The following LPIN3 variants were observed in gnomAD, a reference collection of about 807,000 sequenced individuals.
LPIN3 encodes lipin 3.
Under a neutral mutation model 94.7 loss-of-function variants are expected in LPIN3, and 82 were observed. That is an observed-to-expected ratio of 0.87 (90% CI 0.72 to 1.04). LPIN3 has a LOEUF of 1.04. Among genes scored for constraint, LPIN3 ranks in the 50% least tolerant of loss-of-function variants. The pLI, the probability that LPIN3 is intolerant of heterozygous loss-of-function variation, is 0.00. For synonymous variants in LPIN3, 418 were observed against 443.3 expected, an observed-to-expected ratio of 0.94 and a Z score of 0.72; for missense variants, 996 against 1,090.5, an observed-to-expected ratio of 0.91 and a Z score of 1.22.
Position 41,358,033 on chromosome 20 carries a change from A to T in LPIN3, c.2191A>T (p.Arg731Ter). ...CAGCAGCCTCTTCTCTGCCCTCCACAGGTAACCACCCCTACACATACAAGC... is the reference window on the plus strand; with the variant it reads ...CAGCAGCCTCTTCTCTGCCCTCCACTGGTAACCACCCCTACACATACAAGC... ...SPSSLFSALH[R>*]EVIEKKPEVF... Residue 731 changes from arginine to a stop codon, truncating the protein, a stop_gained and splice_region_variant, in exon 17 of 20, where the codon AGA becomes TGA. Coordinates refer to ENST00000373257, the MANE Select transcript of LPIN3 (RefSeq NM_022896.3). LOFTEE classifies it high-confidence loss of function. 1 of 1,599,014 alleles carries T rather than the reference A, an allele frequency of 6.3e-7. No individual in the cohort carries two copies. Among genetic ancestry groups the T allele is most frequent in the South Asian group, 1.1e-5 (1 of 87,758 alleles).
chr20:41,342,654 G>A (rs1472186922), intron 1 of LPIN3, among the ~76,000 whole-genome samples: 2 of 141,346 alleles, frequency 1.4e-5, no homozygotes, highest in Non-Finnish European at 3.1e-5. Context: ...CCAAAATGCT[G>A]AGCAGGCAGA....
chr20:41,349,861 C>T lies in LPIN3; in HGVS notation c.726C>T (p.Ser242=), dbSNP rs1331758445. 1.9e-6 allele frequency: 3 copies of T among 1,613,418 alleles called. No homozygotes were observed. The highest frequency in any genetic ancestry group is 2.5e-6 in the Non-Finnish European group (3 of 1,180,014). ...TPEPSPLRAE[S]HMQWAWGRLP... Reference sequence around the variant, plus strand: ...AGCCCAGTCCCCTAAGAGCCGAGTCCCACATGCAGTGGGCCTGGGGGAGGC... The same window carrying T: ...AGCCCAGTCCCCTAAGAGCCGAGTCTCACATGCAGTGGGCCTGGGGGAGGC... The change falls in exon 6 of 20, where the codon TCC becomes TCT. Residue 242 remains serine (S), a synonymous_variant. Coordinates refer to ENST00000373257, the MANE Select transcript of LPIN3 (RefSeq NM_022896.3).
chr20:41,348,393 G>A (rs1568994554), intron 3 of LPIN3, among the ~76,000 whole-genome samples: 1 of 152,182 alleles, frequency 6.6e-6, no homozygotes, highest in Non-Finnish European at 1.5e-5. Flanking sequence ...ATCAGAGGCC[G>A]ATGCCAAGAT....
chr20:41,358,983 A>C lies in LPIN3; in HGVS notation c.*117A>C, dbSNP rs968442227. On this transcript the variant is annotated 3_prime_UTR_variant, in exon 20 of 20. Transcript: ENST00000373257. ...GCAAACCCACTGAAGGGGAAGGAGGAGGCTGCAGGTTGGTTGGCAGCTAGA... is the reference window on the plus strand; with the variant it reads ...GCAAACCCACTGAAGGGGAAGGAGGCGGCTGCAGGTTGGTTGGCAGCTAGA... 1 of 1,348,244 alleles carries C rather than the reference A, an allele frequency of 7.4e-7. No homozygotes were observed. The highest frequency in any genetic ancestry group is 1.0e-6 in the Non-Finnish European group (1 of 989,876). 83.5% of individuals were successfully genotyped at this position (1,348,244 alleles called of 1,614,324 possible). A position where few individuals can be genotyped will look rare whatever the true frequency, so the allele number is the denominator to read the frequency against.
Position 41,360,045 on chromosome 20 carries a change from A to T in LPIN3, c.*1179A>T, listed in dbSNP as rs2046337877. 1.3e-5 allele frequency: 2 copies of T among 152,688 alleles called. No homozygotes were observed. Among genetic ancestry groups the T allele is most frequent in the Non-Finnish European group, 2.9e-5 (2 of 68,092 alleles). 9.5% of individuals were successfully genotyped at this position (152,688 alleles called of 1,614,324 possible). On this transcript the variant is annotated 3_prime_UTR_variant, in exon 20 of 20. Transcript: ENST00000373257. ...GAGGGCAGAATACCAAATGTCCAGG[A>T]ACCAAAGGCAGGGCTGTGGGGACCT...
chr20:41,357,145 G>A lies in LPIN3; in HGVS notation c.1909G>A (p.Asp637Asn). 1 of 1,614,166 alleles carries A rather than the reference G, an allele frequency of 6.2e-7. No homozygotes were observed. The highest frequency in any genetic ancestry group is 8.5e-7 in the Non-Finnish European group (1 of 1,180,018). ...GGCCACCATCTACCTGTGGAAATGG[G>A]ACGACAAGGTGGTCATCTCTGACAT... Reference protein sequence around the residue: ...CKATIYLWKWDDKVVISDIDG... With the variant: ...CKATIYLWKWNDKVVISDIDG... Residue 637 changes from aspartate to asparagine, a missense_variant, in exon 15 of 20, where the codon GAC becomes AAC. Physicochemically the swap from Asp to Asn is conservative, Grantham distance 23 (BLOSUM62 1). Transcript: ENST00000373257.
At chr20:41,349,243 G>GTGTCATTAGTCATCAGGAAA in intron 5 of LPIN3, 71 bp downstream of exon 5, 1 of 1,337,956 alleles carries the variant, frequency 7.5e-7, no homozygotes, top group Non-Finnish European at 1.1e-6. Context: ...CATTTTTCCT[G>GTGTCATTAGTCATCAGGAAA]ATGACTAATG....
chr20:41,351,834 A>G lies in LPIN3; in HGVS notation c.1116A>G (p.Arg372=). The G allele has an allele frequency of 6.2e-7, 1 of 1,614,134 alleles. No homozygotes were observed. The highest frequency in any genetic ancestry group is 8.5e-7 in the Non-Finnish European group (1 of 1,179,990). ...RVSRGKGSPK[R]SQHLGPSDIY... ...TTCAACTCTCAGGCTCCCCAAAGAG[A>G]AGCCAGCACCTGGGCCCCAGTGACA... Residue 372 remains arginine, a synonymous_variant, in exon 8 of 20, where the codon AGA becomes AGG. Transcript: ENST00000373257.
intron 13 of LPIN3, among the ~76,000 whole-genome samples, chr20:41,355,642 C>T (rs2046181887): frequency 6.6e-6 from 1 of 152,220 alleles, no homozygotes; most frequent in South Asian, 2.1e-4. Context: ...AGGTAAATAT[C>T]TCCAAGGCAG....
At position 41,358,721 on chromosome 20, in the gene LPIN3, G is replaced by T. The variant is rs1018629357; in HGVS notation, c.2412-1G>T. On this transcript the variant is annotated splice_acceptor_variant, in intron 19 of 19. Transcript: ENST00000373257. LOFTEE classifies it high-confidence loss of function. Reference sequence around the variant, plus strand: ...CAGTGCTGGCCCCCTTCTGCCTGTAGGTATGAGCGGCTTGGTGAAGTGGTC... The same window carrying T: ...CAGTGCTGGCCCCCTTCTGCCTGTATGTATGAGCGGCTTGGTGAAGTGGTC... 1 of 1,613,946 alleles carries T rather than the reference G, an allele frequency of 6.2e-7. No individual in the cohort carries two copies. The highest frequency in any genetic ancestry group is 1.7e-5 in the Admixed American group (1 of 60,004).
rs924181499 is a variant in LPIN3, at chr20:41,350,255, T to C, written c.960T>C (p.Pro320=). The part of the protein sequence containing the change: ...DTEDPTLVGP[P]LHTPETEESK... ...AGGATCCCACTCTAGTGGGTCCCCC[T>C]CTCCACACCCCAGAGACAGAGGAAA... Residue 320 remains proline, a synonymous_variant, in exon 7 of 20, where the codon CCT becomes CCC. Coordinates refer to ENST00000373257, the MANE Select transcript of LPIN3 (RefSeq NM_022896.3). 3 of 1,613,624 alleles carry C rather than the reference T, an allele frequency of 1.9e-6. No homozygotes were observed. Among genetic ancestry groups the C allele is most frequent in the Non-Finnish European group, 2.5e-6 (3 of 1,179,954 alleles).
chr20:41,356,155 C>A, intron 14 of LPIN3, 121 bp downstream of exon 14: 1 of 1,425,530 alleles, frequency 7.0e-7, no homozygotes, highest in Non-Finnish European at 9.5e-7. Flanking sequence ...AGGCCAGAAT[C>A]TATCCCCTTG....
In LPIN3 at chr20:41,354,711, C is replaced by T. The variant is rs140359632; in HGVS notation, c.1594C>T (p.Arg532Ter). Reference protein sequence around the residue: ...RKGGRWWFSWRRRDFLAEERS... With the variant: ...RKGGRWWFSW Reference sequence around the variant, plus strand: ...GGGTGGGCGATGGTGGTTTTCCTGGCGACGCAGGGACTTCCTGGCCGAGGA... The same window carrying T: ...GGGTGGGCGATGGTGGTTTTCCTGGTGACGCAGGGACTTCCTGGCCGAGGA... Residue 532 changes from arginine to a stop codon, truncating the protein, a stop_gained, in exon 12 of 20, where the codon CGA becomes TGA. Coordinates refer to ENST00000373257, the MANE Select transcript of LPIN3 (RefSeq NM_022896.3). LOFTEE classifies it high-confidence loss of function. The T allele has an allele frequency of 5.3e-4, 853 of 1,606,858 alleles. 1 individual carries two copies. Among genetic ancestry groups the T allele is most frequent in the Non-Finnish European group, 6.7e-4 (786 of 1,175,588 alleles).
chr20:41,357,111 C>A lies in LPIN3; in HGVS notation c.1875C>A (p.Cys625Ter), dbSNP rs554970750. Residue 625 changes from cysteine to a stop codon, truncating the protein, a stop_gained, in exon 15 of 20, where the codon TGC (cysteine) becomes TGA (stop). Transcript: ENST00000373257. LOFTEE classifies it high-confidence loss of function. ...FSVTTQYQGT[C>*]RCKATIYLWK... ...TGACCACTCAGTACCAGGGCACCTGCCGCTGCAAGGCCACCATCTACCTGT... is the reference window on the plus strand; with the variant it reads ...TGACCACTCAGTACCAGGGCACCTGACGCTGCAAGGCCACCATCTACCTGT... The A allele has an allele frequency of 6.2e-7, 1 of 1,614,156 alleles. No individual in the cohort carries two copies. Among genetic ancestry groups the A allele is most frequent in the Non-Finnish European group, 8.5e-7 (1 of 1,180,012 alleles).
At position 41,349,839 on chromosome 20, in the gene LPIN3, C is replaced by G; in HGVS notation, c.704C>G (p.Pro235Arg). The G allele has an allele frequency of 6.2e-7, 1 of 1,613,616 alleles. No individual in the cohort carries two copies. Among genetic ancestry groups the G allele is most frequent in the Non-Finnish European group, 8.5e-7 (1 of 1,180,028 alleles). ...DSELEVRTPE[P>R]SPLRAESHMQ... is the part of the protein sequence containing the mutation. ...GAGCTGGAGGTGCGGACCCCGGAGC[C>G]CAGTCCCCTAAGAGCCGAGTCCCAC... Residue 235 changes from proline (P) to arginine (R), a missense_variant, in exon 6 of 20, where the codon CCC becomes CGC. Coordinates refer to ENST00000373257, the MANE Select transcript of LPIN3 (RefSeq NM_022896.3).
chr20:41,346,628 C>T (rs560151070), intron 2 of LPIN3, among the ~76,000 whole-genome samples: 23 of 152,278 alleles, frequency 1.5e-4, no homozygotes, highest in African/African-American at 3.6e-4. Flanking sequence ...GTAATCCCAG[C>T]CACTCCGGAG....
chr20:41,349,886 C>T lies in LPIN3; in HGVS notation c.751C>T (p.Leu251=), dbSNP rs755390709. 6.8e-6 allele frequency: 11 copies of T among 1,612,484 alleles called. No individual in the cohort carries two copies. The African/African-American group carries it at 1.2e-4, about 18-fold the overall frequency. The change falls in exon 6 of 20, where the codon CTG becomes TTG. Residue 251 remains leucine, a synonymous_variant. Transcript: ENST00000373257. ...ESHMQWAWGR[L]PKVARAERPE... is the part of the protein sequence containing the mutation. ...CCACATGCAGTGGGCCTGGGGGAGG[C>T]TGCCTAAGGTGAGTCCCTCTGTATC...
chr20:41,356,211 C>T (rs2046204140), intron 14 of LPIN3, among the ~76,000 whole-genome samples, 177 bp downstream of exon 14: 1 of 152,144 alleles, frequency 6.6e-6, no homozygotes, highest in African/African-American at 2.4e-5. Flanking sequence ...AAGGGCAGGG[C>T]GCTCACTTCT....
At chr20:41,354,785 G>A in intron 12 of LPIN3, 35 bp from the exon 13 acceptor site, 3 of 1,612,952 alleles carry the variant, frequency 1.9e-6, no homozygotes, top group Non-Finnish European at 2.5e-6. Flanking sequence ...CACAGGGCGG[G>A]AGGTGGGATT....
Sources: gnomAD v4.1 joint callset for allele counts (sites outside exome capture counted in the v4.1 genomes callset) on GRCh38, gnomAD v4.1.1 for gene constraint, MANE v1.5 for transcripts, NCBI Gene and HGNC (gene_info 2026-07-23, HGNC 2026-07-21) for gene names.